DST: variants seen among roughly 807,000 people sequenced by gnomAD.
DST encodes the protein dystonin.
Under a neutral mutation model 875.2 loss-of-function variants are expected in DST, and 253 were observed. That is an observed-to-expected ratio of 0.29 (90% CI 0.26 to 0.32). The LOEUF (loss-of-function observed/expected upper bound fraction) is 0.32, where lower values mean the gene tolerates loss of function less well. DST is among the 10% of genes least tolerant of loss of function. The probability of loss-of-function intolerance (pLI) is 1.00; values close to 1 mark genes in which losing one functional copy is unlikely to be tolerated. For missense variants in DST, 8,287 were observed against 9,111.6 expected, an observed-to-expected ratio of 0.91 and a Z score of 3.68; for synonymous variants, 3,124 against 3,197.1, an observed-to-expected ratio of 0.98 and a Z score of 0.77.
At chr6:56,823,511 A>C (rs1419211977) in intron 4 of DST, among the ~76,000 whole-genome samples, 1 of 151,880 alleles carries the variant, frequency 6.6e-6, no homozygotes, top group Non-Finnish European at 1.5e-5. Context: ...CCCGGATTCA[A>C]GCAATTCTCC....
chr6:56,929,354 G>A (rs1808924913), intron 2 of DST, among the ~76,000 whole-genome samples: 1 of 152,210 alleles, frequency 6.6e-6, no homozygotes, highest in South Asian at 2.1e-4. Flanking sequence ...TTATGTTCAT[G>A]CGTTCAATAG....
chr6:56,778,756 GCCA>G (rs1356007663), intron 4 of DST, among the ~76,000 whole-genome samples: 1 of 151,808 alleles, frequency 6.6e-6, no homozygotes, highest in Non-Finnish European at 1.5e-5. Context: ...GTGTATATGT[GCCA>G]CATTTTCTTA....
chr6:56,693,026 T>G, intron 9 of DST: 2 of 1,289,808 alleles, frequency 1.6e-6, no homozygotes, highest in Non-Finnish European at 2.0e-6. Context: ...CCAGTTTTTT[T>G]GATCGGTTTT....
chr6:56,885,013 A>AGCCACCGTGCCGTGCCCG (rs375577998), intron 3 of DST, among the ~76,000 whole-genome samples: 6,053 of 152,246 alleles, frequency 0.04, 383 homozygotes, highest in African/African-American at 0.14. Flanking sequence ...TACAGGCGTG[A>AGCCACCGTGCCGTGCCCG]GCTGTGAAGC....
At chr6:56,629,215 A>C (rs1409849539) in intron 32 of DST, 35 bp downstream of exon 32, 1 of 1,606,606 alleles carries the variant, frequency 6.2e-7, no homozygotes, top group Non-Finnish European at 8.5e-7. Context: ...TAGACATTAA[A>C]TCTGTGCTAA....
Position 56,603,240 on chromosome 6 carries a change from T to G in DST, c.11122A>C (p.Thr3708Pro), listed in dbSNP as rs1252211045. The change falls in exon 42 of 104, where the codon ACG becomes CCG. Residue 3708 changes from threonine to proline, a missense_variant. By Grantham distance (38) the Thr-to-Pro change is conservative. This residue lies in a region of DST where 3,138 missense variants were observed against 3,116.6 expected (regional missense o/e 1.01). Transcript: ENST00000680361. ...TCGATCGCAAGCATGATCTGTTTCG[T>G]TCTTTCTGAAGACACGTTGCTGAGG... ...SSLSNVSSER[T>P]KQIMLAIDSE... 1.2e-6 allele frequency: 2 copies of G among 1,607,114 alleles called. No homozygotes were observed. The highest frequency in any genetic ancestry group is 1.7e-6 in the Non-Finnish European group (2 of 1,176,852).
intron 4 of DST, among the ~76,000 whole-genome samples, chr6:56,775,514 T>A (rs984305093): frequency 6.6e-5 from 10 of 152,180 alleles, no homozygotes; most frequent in African/African-American, 2.4e-4. Flanking sequence ...GCAAAACATT[T>A]CAAAGGCCCA....
At chr6:56,936,632 G>T (rs1031940548) in intron 2 of DST, among the ~76,000 whole-genome samples, 3 of 151,944 alleles carry the variant, frequency 2.0e-5, no homozygotes, top group African/African-American at 4.8e-5. Flanking sequence ...TTTACGTTTG[G>T]TTTTTATCTT....
intron 55 of DST, among the ~76,000 whole-genome samples, chr6:56,562,667 A>C (rs1040269542): frequency 6.6e-6 from 1 of 152,022 alleles, no homozygotes; most frequent in Non-Finnish European, 1.5e-5. Context: ...AGGTATACAC[A>C]TGCCATGGAG....
intron 4 of DST, among the ~76,000 whole-genome samples, chr6:56,836,862 A>G (rs960392119): frequency 1.4e-5 from 2 of 146,838 alleles, no homozygotes; most frequent in Non-Finnish European, 3.1e-5. Context: ...AAAAAAAAAA[A>G]AGAAAGAAAA....
chr6:56,685,056 CAG>C (rs939667713), intron 9 of DST, among the ~76,000 whole-genome samples: 6 of 137,068 alleles, frequency 4.4e-5, no homozygotes, highest in Non-Finnish European at 9.1e-5. Context: ...TCTCTCATAT[CAG>C]AGTTACTCTC....
chr6:56,676,348 G>GCT (rs1235563518), intron 9 of DST, among the ~76,000 whole-genome samples: 1 of 152,190 alleles, frequency 6.6e-6, no homozygotes, highest in East Asian at 1.9e-4. Flanking sequence ...GATTACAGGC[G>GCT]TGAGCCACTG....
At chr6:56,846,802 G>A (rs557857997) in intron 4 of DST, among the ~76,000 whole-genome samples, 4 of 151,928 alleles carry the variant, frequency 2.6e-5, no homozygotes, top group Middle Eastern at 3.4e-3. Flanking sequence ...CCAGGAGTTC[G>A]AAACTAGCCT....
intron 99 of DST, 25 bp downstream of exon 99, chr6:56,466,053 G>A (rs1006050474): frequency 2.0e-5 from 30 of 1,511,964 alleles, no homozygotes; most frequent in Non-Finnish European, 2.6e-5. Context: ...CTTTCATGAT[G>A]TTATCATGAT....
In DST at chr6:56,698,294, C is replaced by A. The variant is rs182729030; in HGVS notation, c.1047+1359G>T. Among the ~76,000 whole-genome samples, 10 of 151,832 alleles carry A rather than the reference C, an allele frequency of 6.6e-5. No homozygotes were observed. In the East Asian group the frequency reaches 1.7e-3, roughly 26 times the overall value. The stretch of plus-strand genomic sequence containing the variant: ...TACATTATTCTCCACCATTTGTCTA[C>A]GTAACCTGTATTTCAGCCAACTTAA... On this transcript the variant is annotated intron_variant, in intron 9 of 103. Coordinates refer to ENST00000680361, the MANE Select transcript of DST (RefSeq NM_001374736.1).
rs141326101 is a variant in DST, at chr6:56,785,731, G to A, written c.626-50442C>T. On this transcript the variant is annotated intron_variant, in intron 4 of 103. Transcript: ENST00000680361. ...CGGTGCGCTGCACCCACTCTCCTGC[G>A]CCCACTGTCTGACACTCCCTAGTGA... 3.4e-3 allele frequency: 527 copies of A among 153,878 alleles called. 4 individuals are homozygous for A. The highest frequency in any genetic ancestry group is 0.012 in the African/African-American group (502 of 41,552). 9.5% of individuals were successfully genotyped at this position (153,878 alleles called of 1,614,324 possible). A position where few individuals can be genotyped will look rare whatever the true frequency, so the allele number is the denominator to read the frequency against.
At chr6:56,754,060 T>C (rs1004816499) in intron 4 of DST, among the ~76,000 whole-genome samples, 1 of 152,298 alleles carries the variant, frequency 6.6e-6, no homozygotes, top group East Asian at 1.9e-4. Context: ...TTCATACCAC[T>C]GATAATGAAA....
rs1463709361 is a variant in DST, at chr6:56,621,494, T to A, written c.4929+3036A>T. Among the ~76,000 whole-genome samples the A allele has an allele frequency of 2.0e-5, 3 of 152,250 alleles. No homozygotes were observed. In the East Asian group the frequency reaches 5.8e-4, roughly 29 times the overall value. On this transcript the variant is annotated intron_variant, in intron 36 of 103. Coordinates refer to ENST00000680361, the MANE Select transcript of DST (RefSeq NM_001374736.1). ...GCTGTTGTTAATAACATGCCTCATA[T>A]GAATCACTTTGACAAGCACCTTTAA...
At chr6:56,573,943 T>C in intron 50 of DST, 56 bp from the exon 51 acceptor site, 1 of 1,262,774 alleles carries the variant, frequency 7.9e-7, no homozygotes, top group Non-Finnish European at 1.1e-6. Flanking sequence ...CCTATCCCTT[T>C]TCAAAAACAC....
Sources: allele counts gnomAD v4.1 joint callset (sites outside exome capture counted in the v4.1 genomes callset), GRCh38; gene constraint gnomAD v4.1.1; regional missense constraint gnomAD v4.1.1; transcripts MANE v1.5; gene names NCBI Gene and HGNC (gene_info 2026-07-23, HGNC 2026-07-21).